PTPRG: variants seen among roughly 807,000 people sequenced by gnomAD.
PTPRG encodes protein tyrosine phosphatase receptor type G, also known as receptor-type tyrosine-protein phosphatase gamma.
PTPRG carries 102 observed loss-of-function variants against 165.3 expected under a neutral mutation model. The observed-to-expected ratio is 0.62, with a 90% CI of 0.53 to 0.73. PTPRG has a LOEUF of 0.73. Among genes scored for constraint, PTPRG ranks in the 30% least tolerant of loss-of-function variants. PTPRG has a pLI of 0.00. For missense variants in PTPRG, 1,866 were observed against 1,861.4 expected (o/e 1.00, Z -0.05); for synonymous variants, 675 against 669.5 (o/e 1.01, Z -0.13).
chr3:61,743,312 C>G (rs141076170), intron 1 of PTPRG, among the ~76,000 whole-genome samples: 2 of 152,272 alleles, frequency 1.3e-5, no homozygotes, highest in African/African-American at 2.4e-5. Flanking sequence ...CTGAGTGAGA[C>G]GTAAGCATCA....
At chr3:61,802,884 T>A (rs768954262) in intron 2 of PTPRG, among the ~76,000 whole-genome samples, 4 of 152,218 alleles carry the variant, frequency 2.6e-5, no homozygotes, top group Non-Finnish European at 5.9e-5. Context: ...AAACCCACGC[T>A]GGATGCAAAA....
intron 1 of PTPRG, among the ~76,000 whole-genome samples, chr3:61,657,992 T>TGG (rs1261431218): frequency 1.2e-4 from 18 of 152,126 alleles, no homozygotes; most frequent in Non-Finnish European, 2.4e-4. Flanking sequence ...GTTATGGTGC[T>TGG]TCCCTACACA....
chr3:62,287,092 A>G (rs1040311090), intron 28 of PTPRG, among the ~76,000 whole-genome samples: 7 of 152,166 alleles, frequency 4.6e-5, no homozygotes, highest in Non-Finnish European at 7.4e-5. Flanking sequence ...ATAATCTCAC[A>G]TGGAGTGCAT....
intron 2 of PTPRG, among the ~76,000 whole-genome samples, chr3:61,862,386 T>C (rs963372899): frequency 2.6e-5 from 4 of 151,136 alleles, no homozygotes; most frequent in Non-Finnish European, 5.9e-5. Context: ...CAGACTTTTT[T>C]TTTTTTTTTT....
chr3:61,939,741 G>A (rs2039566796), intron 2 of PTPRG, among the ~76,000 whole-genome samples: 1 of 152,006 alleles, frequency 6.6e-6, no homozygotes, highest in African/African-American at 2.4e-5. Context: ...AGCTAAATAG[G>A]GAACTCTGTT....
intron 8 of PTPRG, among the ~76,000 whole-genome samples, chr3:62,174,377 A>G (rs1038439070): frequency 6.6e-6 from 1 of 152,214 alleles, no homozygotes; most frequent in African/African-American, 2.4e-5. Flanking sequence ...TGGAGAGGAC[A>G]CCGGGCTGCC....
intron 6 of PTPRG, among the ~76,000 whole-genome samples, chr3:62,134,500 C>A (rs931369940): frequency 1.3e-5 from 2 of 152,176 alleles, no homozygotes; most frequent in Non-Finnish European, 2.9e-5. Context: ...GTTCTTCCTT[C>A]GCTTGTGCCA....
intron 1 of PTPRG, among the ~76,000 whole-genome samples, chr3:61,696,144 A>G (rs2030573995): frequency 6.6e-6 from 1 of 152,140 alleles, no homozygotes; most frequent in South Asian, 2.1e-4. Context: ...AAATTCCCCC[A>G]ATGCTTGTAT....
At chr3:61,572,741 C>A (rs1342210908) in intron 1 of PTPRG, among the ~76,000 whole-genome samples, 1 of 152,116 alleles carries the variant, frequency 6.6e-6, no homozygotes, top group East Asian at 1.9e-4. Context: ...AGCCTAGGGC[C>A]TATGTTAGTG....
At chr3:62,191,323 C>T in intron 8 of PTPRG, 146 bp from the exon 9 acceptor site, 1 of 641,368 alleles carries the variant, frequency 1.6e-6, no homozygotes, top group Non-Finnish European at 2.7e-6. Context: ...TCTCTACACA[C>T]ACAATGTTAA....
chr3:62,094,426 T>C (rs1702041861), intron 5 of PTPRG, among the ~76,000 whole-genome samples: 1 of 152,050 alleles, frequency 6.6e-6, no homozygotes, highest in South Asian at 2.1e-4. Context: ...AACCACTTCT[T>C]CTGCAGGTCG....
intron 27 of PTPRG, 78 bp downstream of exon 27, chr3:62,281,787 T>C (rs1702460865): frequency 7.4e-6 from 10 of 1,359,748 alleles, no homozygotes; most frequent in Middle Eastern, 4.4e-4. Context: ...TGAAATAATT[T>C]ACCACCCTCA....
At chr3:61,816,463 C>T (rs916285705) in intron 2 of PTPRG, among the ~76,000 whole-genome samples, 1 of 152,040 alleles carries the variant, frequency 6.6e-6, no homozygotes, top group African/African-American at 2.4e-5. Flanking sequence ...ACCCTGGAGG[C>T]GGAGGTTGCA....
At chr3:62,155,145 T>G (rs114650719) in intron 6 of PTPRG, among the ~76,000 whole-genome samples, 1,759 of 152,348 alleles carry the variant, frequency 0.012, 15 homozygotes, top group Middle Eastern at 0.037. Context: ...TTTGTAATTT[T>G]GATTATAGAA....
chr3:62,190,865 C>T lies in PTPRG; in HGVS notation c.1034-604C>T, dbSNP rs531704647. Among the ~76,000 whole-genome samples, 13 of 152,134 alleles carry T rather than the reference C, an allele frequency of 8.5e-5. No homozygotes were observed. The South Asian group carries it at 1.7e-3, about 19-fold the overall frequency. On this transcript the variant is annotated intron_variant, in intron 8 of 29. Transcript: ENST00000474889. This position sits in a 1 kb window ranked among gnomAD's most constrained non-coding sequence, Gnocchi z 5.2. ...GTGATTAAGGATCTTTTGGAGACAG[C>T]GGGGAAAATTTGAATATGGACTATA... is the stretch of plus-strand genomic sequence containing the variant.
chr3:62,157,779 A>G (rs1704596247), intron 7 of PTPRG, among the ~76,000 whole-genome samples: 1 of 152,222 alleles, frequency 6.6e-6, no homozygotes, highest in African/African-American at 2.4e-5. Flanking sequence ...CCCACAGTTC[A>G]GAAAAGAAAG....
In PTPRG at chr3:61,993,578, A is replaced by G. The variant is rs151031056; in HGVS notation, c.370+3774A>G. Among the ~76,000 whole-genome samples, 878 of 152,306 alleles carry G rather than the reference A, an allele frequency of 5.8e-3. 6 individuals are homozygous for G. Among genetic ancestry groups the G allele is most frequent in the African/African-American group, 0.019 (804 of 41,570 alleles). ...AGAAATGGGTTAAAGGGCTCATGGT[A>G]TCTGTGCATTATTTCTTACAACTGC... On this transcript the variant is annotated intron_variant, in intron 3 of 29. Transcript: ENST00000474889.
At chr3:61,972,281 T>TGGG (rs2040401867) in intron 2 of PTPRG, among the ~76,000 whole-genome samples, 1 of 152,118 alleles carries the variant, frequency 6.6e-6, no homozygotes, top group South Asian at 2.1e-4. Flanking sequence ...GAGGGATCCA[T>TGGG]GGGGAGAGAA....
intron 2 of PTPRG, among the ~76,000 whole-genome samples, chr3:61,936,151 C>G (rs1376407837): frequency 2.0e-5 from 3 of 152,184 alleles, no homozygotes; most frequent in Admixed American, 2.0e-4. Context: ...AGACATCAGT[C>G]CTGTTGGTGC....
Sources: allele counts gnomAD v4.1 joint callset (sites outside exome capture counted in the v4.1 genomes callset), GRCh38; gene constraint gnomAD v4.1.1; non-coding constraint Gnocchi (gnomAD v3.1); transcripts MANE v1.5; gene names NCBI Gene and HGNC (gene_info 2026-07-23, HGNC 2026-07-21).